The following BNC2 variants were observed in gnomAD, a reference collection of about 807,000 sequenced individuals.
The protein encoded by BNC2 is zinc finger protein basonuclin-2.
In BNC2, 20 loss-of-function variants were observed where a neutral mutation model predicts 76.3. That is an observed-to-expected ratio of 0.26 (90% CI 0.18 to 0.38). BNC2 has a LOEUF of 0.38. Among genes scored for constraint, BNC2 ranks in the 10% least tolerant of loss-of-function variants. The probability of loss-of-function intolerance (pLI) is 1.00; values close to 1 mark genes in which losing one functional copy is unlikely to be tolerated. For synonymous variants in BNC2, 582 were observed against 514.8 expected (o/e 1.13, Z -1.77); for missense variants, 1,382 against 1,399.8 (o/e 0.99, Z 0.20).
intron 3 of BNC2, among the ~76,000 whole-genome samples, chr9:16,596,668 G>A (rs1439701971): frequency 6.6e-6 from 1 of 152,106 alleles, no homozygotes; most frequent in Non-Finnish European, 1.5e-5. Context: ...AAAGAGGAGA[G>A]TTGATTCCCT....
chr9:16,436,129 T>C lies in BNC2; in HGVS notation c.2065A>G (p.Lys689Glu). 6.2e-7 allele frequency: 1 copy of C among 1,614,154 alleles called. No homozygotes were observed. Among genetic ancestry groups the C allele is most frequent in the Non-Finnish European group, 8.5e-7 (1 of 1,180,038 alleles). Reference sequence around the variant, plus strand: ...GTCCTGTTATGCTTAGAAAAGTCCTTCACAGACATGCCTGGGCTCATCTCC... The same window carrying C: ...GTCCTGTTATGCTTAGAAAAGTCCTCCACAGACATGCCTGGGCTCATCTCC... ...QEEMSPGMSVKDFSKHNRTRC... is the reference protein window; with the variant it reads ...QEEMSPGMSVEDFSKHNRTRC... Residue 689 changes from lysine (K) to glutamate (E), a missense_variant, in exon 6 of 7, where the codon AAG becomes GAG. Lys to Glu is a moderately conservative substitution (Grantham distance 56). Around this residue, in one of 3 missense-constraint regions of BNC2, gnomAD observed 798 missense variants for 775.5 expected, o/e 1.03. Transcript: ENST00000380672.
chr9:16,426,059 T>C (rs1309648469), intron 6 of BNC2, among the ~76,000 whole-genome samples: 1 of 152,230 alleles, frequency 6.6e-6, no homozygotes, highest in East Asian at 1.9e-4. Context: ...TTCACAGCAT[T>C]TGGAAGTGTT....
intron 4 of BNC2, among the ~76,000 whole-genome samples, chr9:16,572,021 T>C (rs1042090964): frequency 6.6e-6 from 1 of 152,110 alleles, no homozygotes; most frequent in Non-Finnish European, 1.5e-5. Flanking sequence ...TGTTAGAGGT[T>C]GATTTGTTTT....
chr9:16,419,080 C>A lies in BNC2; in HGVS notation c.3209G>T (p.Cys1070Phe). ...TCGTACAGAGGAAAACATCATATTG[C>A]AACCTGGGACTTTGCACTTGTGCAT... The part of the protein sequence containing the change: ...REMHKCKVPG[C>F]NMMFSSVRSR... Residue 1070 changes from cysteine to phenylalanine, a missense_variant, in exon 7 of 7, where the codon TGC (cysteine) becomes TTC (phenylalanine). Physicochemically the swap from Cys to Phe is radical, Grantham distance 205. Transcript: ENST00000380672. 1 of 1,614,184 alleles carries A rather than the reference C, an allele frequency of 6.2e-7. No homozygotes were observed. The highest frequency in any genetic ancestry group is 8.5e-7 in the Non-Finnish European group (1 of 1,180,032).
At chr9:16,794,088 A>G (rs1817585550) in intron 1 of BNC2, among the ~76,000 whole-genome samples, 1 of 151,990 alleles carries the variant, frequency 6.6e-6, no homozygotes, top group African/African-American at 2.4e-5. Context: ...AACAAGTGAG[A>G]GGTAGCACCC....
chr9:16,475,664 G>C (rs1821913002), intron 5 of BNC2, among the ~76,000 whole-genome samples: 1 of 152,174 alleles, frequency 6.6e-6, no homozygotes, highest in African/African-American at 2.4e-5. Flanking sequence ...AAATCAAACA[G>C]TGTCTTTTAT....
Position 16,837,872 on chromosome 9 carries a change from G to A in BNC2, c.3+32774C>T, listed in dbSNP as rs372828240. ...GTTTCCAGGAGGTGGAGGTTGCAGT[G>A]AGCCGAGATCATACCATTGCACTCC... On this transcript the variant is annotated intron_variant, in intron 1 of 6. Coordinates refer to ENST00000380672, the MANE Select transcript of BNC2 (RefSeq NM_017637.6). 1.3e-4 allele frequency among the ~76,000 whole-genome samples: 20 copies of A among 151,882 alleles called. No homozygotes were observed. In the East Asian group the frequency reaches 1.4e-3, roughly 10 times the overall value.
intron 1 of BNC2, among the ~76,000 whole-genome samples, chr9:16,755,630 T>A (rs923065066): frequency 6.6e-6 from 1 of 151,970 alleles, no homozygotes; most frequent in African/African-American, 2.4e-5. Context: ...CTAGTAAATG[T>A]CTATATTTAG....
chr9:16,859,167 T>C (rs937089609), intron 1 of BNC2, among the ~76,000 whole-genome samples: 4 of 113,626 alleles, frequency 3.5e-5, no homozygotes, highest in Admixed American at 1.1e-4. Flanking sequence ...TCAACCATTT[T>C]TGAATGGTTA....
chr9:16,547,732 T>C (rs1488395735), intron 5 of BNC2, among the ~76,000 whole-genome samples: 1 of 152,128 alleles, frequency 6.6e-6, no homozygotes, highest in African/African-American at 2.4e-5. Context: ...AAACCTTACA[T>C]GCAAATAGCT....
intron 3 of BNC2, among the ~76,000 whole-genome samples, chr9:16,657,890 G>A (rs1375358962): frequency 6.6e-6 from 1 of 152,040 alleles, no homozygotes; most frequent in Admixed American, 6.5e-5. Flanking sequence ...TCTTAGGGCA[G>A]GCCAGTTAGG....
At chr9:16,618,445 G>C (rs140241520) in intron 3 of BNC2, among the ~76,000 whole-genome samples, 1 of 152,150 alleles carries the variant, frequency 6.6e-6, no homozygotes, top group South Asian at 2.1e-4. Context: ...GCTATATCGA[G>C]CATGGCCACG....
intron 1 of BNC2, among the ~76,000 whole-genome samples, chr9:16,838,213 A>G (rs4995398): frequency 0.28 from 41,850 of 152,112 alleles, 5,959 homozygotes; most frequent in East Asian, 0.41. Context: ...ATTTTTTTCC[A>G]TGTACAAATA....
chr9:16,727,002 TCG>T (rs1451924578), intron 3 of BNC2: 2 of 152,254 alleles, frequency 1.3e-5, no homozygotes, highest in Non-Finnish European at 1.5e-5. Context: ...ACCGATGGCC[TCG>T]CGCTACCACG....
At chr9:16,449,129 G>T (rs1821287651) in intron 5 of BNC2, among the ~76,000 whole-genome samples, 1 of 152,078 alleles carries the variant, frequency 6.6e-6, no homozygotes, top group Non-Finnish European at 1.5e-5. Context: ...AAGGATAAAA[G>T]GAGAAAGCGT....
intron 1 of BNC2, among the ~76,000 whole-genome samples, chr9:16,853,313 G>C (rs1819172036): frequency 6.6e-6 from 1 of 151,532 alleles, no homozygotes; most frequent in African/African-American, 2.4e-5. Flanking sequence ...GGCTAAGGTG[G>C]AGGATCACCT....
chr9:16,842,955 T>A (rs1586927730), intron 1 of BNC2, among the ~76,000 whole-genome samples: 1 of 152,188 alleles, frequency 6.6e-6, no homozygotes, highest in Non-Finnish European at 1.5e-5. Flanking sequence ...TTTCGCCATG[T>A]TGGCCAGGCT....
At chr9:16,598,773 T>C (rs1820163462) in intron 3 of BNC2, among the ~76,000 whole-genome samples, 1 of 152,184 alleles carries the variant, frequency 6.6e-6, no homozygotes, top group South Asian at 2.1e-4. Context: ...AACAGACTCA[T>C]CACAGCTTAA....
chr9:16,678,489 T>C (rs2134262206), intron 3 of BNC2, among the ~76,000 whole-genome samples: 1 of 151,978 alleles, frequency 6.6e-6, no homozygotes, highest in African/African-American at 2.4e-5. Context: ...CAGGCTGCTC[T>C]TGAGCTCCTG....
Sources: gnomAD v4.1 joint callset for allele counts (sites outside exome capture counted in the v4.1 genomes callset) on GRCh38, gnomAD v4.1.1 for gene constraint, gnomAD v4.1.1 regional missense constraint, MANE v1.5 for transcripts, NCBI Gene and HGNC (gene_info 2026-07-23, HGNC 2026-07-21) for gene names.